ZBTB38: variants seen among roughly 807,000 people sequenced by gnomAD.
The protein encoded by ZBTB38 is zinc finger and BTB domain-containing protein 38.
ZBTB38 carries 20 observed loss-of-function variants against 76.8 expected under a neutral mutation model. The observed-to-expected ratio is 0.26, with a 90% CI of 0.18 to 0.38. ZBTB38 has a LOEUF of 0.38. Ranked by LOEUF, ZBTB38 falls within the 10% of genes least tolerant of loss-of-function variation. ZBTB38 has a pLI of 1.00. For missense variants in ZBTB38, 1,082 were observed against 1,482.3 expected (o/e 0.73, Z 4.43); for synonymous variants, 504 against 544.2 (o/e 0.93, Z 1.03).
At chr3:141,375,992 G>A (rs536439170) in intron 2 of ZBTB38, among the ~76,000 whole-genome samples, 6 of 152,162 alleles carry the variant, frequency 3.9e-5, no homozygotes. Flanking sequence ...AACAATTATA[G>A]CAACAAAAAA....
At chr3:141,329,974 T>G (rs1942795150) in intron 1 of ZBTB38, among the ~76,000 whole-genome samples, 2 of 151,670 alleles carry the variant, frequency 1.3e-5, no homozygotes. Flanking sequence ...ATAAAAAAAT[T>G]TATATATCTA....
At chr3:141,388,295 G>A (rs1228756443) in intron 4 of ZBTB38, 2 of 152,056 alleles carry the variant, frequency 1.3e-5, no homozygotes, top group Non-Finnish European at 2.9e-5. Context: ...TTAAGAAGCG[G>A]TCTTTAAACG....
chr3:141,401,997 C>G (rs1952153776), intron 4 of ZBTB38, among the ~76,000 whole-genome samples: 1 of 152,254 alleles, frequency 6.6e-6, no homozygotes, highest in African/African-American at 2.4e-5. Context: ...AACAGGAGCC[C>G]ACGGACCCTT....
chr3:141,441,032 CA>C (rs202075469), intron 5 of ZBTB38, among the ~76,000 whole-genome samples: 3,371 of 64,540 alleles, frequency 0.052, 94 homozygotes, highest in African/African-American at 0.15. Flanking sequence ...GACTCAATCT[CA>C]AAAAAAAAAA....
chr3:141,345,834 C>T (rs1338604938), intron 1 of ZBTB38, among the ~76,000 whole-genome samples: 2 of 152,084 alleles, frequency 1.3e-5, no homozygotes, highest in East Asian at 1.9e-4. Context: ...AGTTTTCCCC[C>T]AGGCCCTCAC....
upstream of ZBTB38, among the ~76,000 whole-genome samples, chr3:141,364,320 G>A (rs1943897011): frequency 6.6e-6 from 1 of 150,880 alleles, no homozygotes; most frequent in Non-Finnish European, 1.5e-5. Flanking sequence ...AGATAATATT[G>A]TAAAATATAT....
At chr3:141,329,867 G>A (rs897664186) in intron 1 of ZBTB38, among the ~76,000 whole-genome samples, 56 of 151,466 alleles carry the variant, frequency 3.7e-4, no homozygotes, top group African/African-American at 1.3e-3. Flanking sequence ...GGTGGCTCAC[G>A]CCTGTAATCC....
chr3:141,347,422 T>A (rs983072486), intron 1 of ZBTB38, among the ~76,000 whole-genome samples: 1 of 152,224 alleles, frequency 6.6e-6, no homozygotes, highest in African/African-American at 2.4e-5. Context: ...CATAGAGGCA[T>A]GTACACATAT....
At position 141,447,305 on chromosome 3, in the gene ZBTB38, T is replaced by C. The variant is rs773222742; in HGVS notation, c.*1329T>C. The C allele has an allele frequency of 2.0e-5, 3 of 152,618 alleles. No homozygotes were observed. The highest frequency in any genetic ancestry group is 4.4e-5 in the Non-Finnish European group (3 of 68,042). 9.5% of individuals were successfully genotyped at this position (152,618 alleles called of 1,614,324 possible). ...TGTGGAGTGACATGGTTCTATCCTT[T>C]ACTTATGAGACTCAGAAATATATCT... On this transcript the variant is annotated 3_prime_UTR_variant, in exon 6 of 6. Coordinates refer to ENST00000321464, the MANE Select transcript of ZBTB38 (RefSeq NM_001376113.1).
At chr3:141,402,445 G>GCC (rs1170845126) in intron 4 of ZBTB38, 1 of 151,330 alleles carries the variant, frequency 6.6e-6, no homozygotes, top group Non-Finnish European at 1.5e-5. Flanking sequence ...AAGGAGCCGA[G>GCC]CCCCGTAAGT....
intron 5 of ZBTB38, among the ~76,000 whole-genome samples, chr3:141,438,062 C>T (rs959886844): frequency 6.6e-6 from 1 of 151,718 alleles, no homozygotes; most frequent in Admixed American, 6.6e-5. Flanking sequence ...CAGGCGCACG[C>T]CACTATGCCC....
chr3:141,329,978 A>G (rs968979355), intron 1 of ZBTB38, among the ~76,000 whole-genome samples: 1 of 151,708 alleles, frequency 6.6e-6, no homozygotes, highest in Non-Finnish European at 1.5e-5. Flanking sequence ...AAAAATTTAT[A>G]TATCTACATA....
At chr3:141,426,932 T>C (rs2076512631) in intron 5 of ZBTB38, among the ~76,000 whole-genome samples, 1 of 152,192 alleles carries the variant, frequency 6.6e-6, no homozygotes, top group Non-Finnish European at 1.5e-5. Context: ...TTTTATCTTA[T>C]GCAGCTCAGC....
At chr3:141,326,097 G>A (rs1007698857) in intron 1 of ZBTB38, among the ~76,000 whole-genome samples, 2 of 152,018 alleles carry the variant, frequency 1.3e-5, no homozygotes, top group African/African-American at 4.8e-5. Flanking sequence ...GCATTCTTTG[G>A]AAAACATGTC....
At chr3:141,369,006 A>AC (rs1290319098) in intron 1 of ZBTB38, among the ~76,000 whole-genome samples, 2 of 151,636 alleles carry the variant, frequency 1.3e-5, no homozygotes, top group Non-Finnish European at 2.9e-5. Context: ...AAAAAAAAAA[A>AC]AAAAAAACAA....
At chr3:141,437,354 C>T (rs1391960727) in intron 5 of ZBTB38, among the ~76,000 whole-genome samples, 2 of 152,206 alleles carry the variant, frequency 1.3e-5, no homozygotes, top group African/African-American at 4.8e-5. Context: ...GCCTCCCTTA[C>T]TCTCTGTTGA....
At chr3:141,412,406 C>T (rs559498575) in intron 5 of ZBTB38, among the ~76,000 whole-genome samples, 7 of 152,126 alleles carry the variant, frequency 4.6e-5, no homozygotes, top group East Asian at 1.9e-4. Flanking sequence ...GTGAGGTCTA[C>T]GAGCATTTGT....
intron 5 of ZBTB38, chr3:141,431,950 A>T: frequency 3.0e-6 from 1 of 335,994 alleles, no homozygotes; most frequent in Non-Finnish European, 4.2e-6. Context: ...CTTTTCCTAG[A>T]CACAGCTCAA....
rs767480308 is a variant in ZBTB38, at chr3:141,445,430, C to T, written c.3042C>T (p.Leu1014=). The change falls in exon 6 of 6, where the codon CTC becomes CTT. Residue 1014 remains leucine, a synonymous_variant. Transcript: ENST00000321464. This position sits in a 1 kb window ranked among gnomAD's most constrained non-coding sequence, Gnocchi z 6.5. ...CTTCTCGGCCATATGCCTGCGAGCTCTGCGCCAAGCAGTTCCAGAGCCCTT... is the reference window on the plus strand; with the variant it reads ...CTTCTCGGCCATATGCCTGCGAGCTTTGCGCCAAGCAGTTCCAGAGCCCTT... The part of the protein sequence containing the change: ...HLTSRPYACE[L]CAKQFQSPST... The T allele has an allele frequency of 1.9e-5, 31 of 1,614,050 alleles. No homozygotes were observed. The highest frequency in any genetic ancestry group is 1.0e-4 in the Admixed American group (6 of 60,010).
Sources: gnomAD v4.1 joint callset for allele counts (sites outside exome capture counted in the v4.1 genomes callset) on GRCh38, gnomAD v4.1.1 for gene constraint, Gnocchi (gnomAD v3.1) non-coding constraint, MANE v1.5 for transcripts, NCBI Gene and HGNC (gene_info 2026-07-23, HGNC 2026-07-21) for gene names.